The following FBXW11 variants were observed in gnomAD, a reference collection of about 807,000 sequenced individuals.
FBXW11 encodes F-box/WD repeat-containing protein 11.
A neutral mutation model predicts 77.6 loss-of-function variants in FBXW11; 19 were observed. That is an observed-to-expected ratio of 0.24 (90% CI 0.17 to 0.36). FBXW11 has a LOEUF of 0.36. Ranked by LOEUF, FBXW11 falls within the 10% of genes least tolerant of loss-of-function variation. The pLI is 1.00. For synonymous variants in FBXW11, 235 were observed against 249.4 expected (o/e 0.94, Z 0.54); for missense variants, 334 against 704.2 (o/e 0.47, Z 5.95).
At chr5:171,976,156 A>T (rs1472970601) in intron 1 of FBXW11, among the ~76,000 whole-genome samples, 1 of 152,166 alleles carries the variant, frequency 6.6e-6, no homozygotes, top group East Asian at 1.9e-4. Context: ...CAGTGAGATA[A>T]AACTATCTGG....
chr5:171,949,560 T>C (rs1050283438), intron 2 of FBXW11, among the ~76,000 whole-genome samples: 1 of 152,066 alleles, frequency 6.6e-6, no homozygotes, highest in Non-Finnish European at 1.5e-5. Context: ...GAAAGGCAAA[T>C]GTCAAACTGG....
intron 1 of FBXW11, among the ~76,000 whole-genome samples, chr5:171,982,774 G>A (rs1194124743): frequency 2.0e-5 from 3 of 152,116 alleles, no homozygotes; most frequent in Non-Finnish European, 4.4e-5. Flanking sequence ...TAGGCCTCAG[G>A]AAACGGAATC....
intron 4 of FBXW11, among the ~76,000 whole-genome samples, chr5:171,907,037 C>A (rs1274293560): frequency 6.6e-6 from 1 of 152,236 alleles, no homozygotes; most frequent in Non-Finnish European, 1.5e-5. Flanking sequence ...GAAGTACAAT[C>A]TGTCCCTACT....
At chr5:171,897,598 T>G (rs1759830100) in intron 6 of FBXW11, among the ~76,000 whole-genome samples, 1 of 152,216 alleles carries the variant, frequency 6.6e-6, no homozygotes, top group Admixed American at 6.5e-5. Context: ...GAGGATTCAA[T>G]CAAACTATCT....
intron 1 of FBXW11, among the ~76,000 whole-genome samples, chr5:171,960,319 G>T (rs1763840464): frequency 6.6e-6 from 1 of 152,214 alleles, no homozygotes; most frequent in South Asian, 2.1e-4. Flanking sequence ...AGGTTGCAGT[G>T]AGCCAAGATC....
chr5:171,896,116 T>G (rs147100911), intron 6 of FBXW11, among the ~76,000 whole-genome samples: 2 of 152,210 alleles, frequency 1.3e-5, no homozygotes, highest in Non-Finnish European at 2.9e-5. Context: ...TGGGTCAATG[T>G]AGAAGCGCAG....
At position 171,886,390 on chromosome 5, in the gene FBXW11, G is replaced by C. The variant is rs367576037; in HGVS notation, c.852+5077C>G. 4.8e-3 allele frequency among the ~76,000 whole-genome samples: 712 copies of C among 148,274 alleles called. 8 individuals carry two copies. The highest frequency in any genetic ancestry group is 0.017 in the African/African-American group (672 of 40,172). On this transcript the variant is annotated intron_variant, in intron 7 of 13. Coordinates refer to ENST00000517395, the MANE Select transcript of FBXW11 (RefSeq NM_001378974.1). ...TGAACAATGAGAACACCTGGACACA[G>C]GAAGGGGAACATCACACACTGGGGC...
intron 1 of FBXW11, among the ~76,000 whole-genome samples, chr5:171,993,964 A>G (rs775769620): frequency 6.6e-6 from 1 of 152,222 alleles, no homozygotes; most frequent in Non-Finnish European, 1.5e-5. Context: ...TCTATGGGAC[A>G]GCACTGTACT....
chr5:171,900,509 A>T (rs554857233), intron 4 of FBXW11, among the ~76,000 whole-genome samples: 80 of 152,222 alleles, frequency 5.3e-4, no homozygotes, highest in Non-Finnish European at 8.4e-4. Context: ...TGGAACTCGG[A>T]TTTCTTGCTT....
chr5:171,924,158 G>A (rs900142746), intron 2 of FBXW11, among the ~76,000 whole-genome samples: 2 of 151,582 alleles, frequency 1.3e-5, no homozygotes, highest in Non-Finnish European at 2.9e-5. Flanking sequence ...TCCTGACCTC[G>A]TGATCCACCC....
At chr5:171,995,019 G>A (rs1212605801) in intron 1 of FBXW11, among the ~76,000 whole-genome samples, 1 of 152,166 alleles carries the variant, frequency 6.6e-6, no homozygotes, top group Non-Finnish European at 1.5e-5. Flanking sequence ...ATTAGCAAAT[G>A]TGAAAGTATT....
Position 171,876,219 on chromosome 5 carries a change from C to T in FBXW11, c.1221+66G>A, listed in dbSNP as rs755115797. 4.1e-5 allele frequency: 65 copies of T among 1,590,850 alleles called. No individual in the cohort carries two copies. Among genetic ancestry groups the T allele is most frequent in the Non-Finnish European group, 5.3e-5 (62 of 1,166,044 alleles). Reference sequence around the variant, plus strand: ...CCAGGTACCAGGTTGGTATAAGCCACCTCTGCTTTGTCTCTGTTCTAAAAG... The same window carrying T: ...CCAGGTACCAGGTTGGTATAAGCCATCTCTGCTTTGTCTCTGTTCTAAAAG... On this transcript the variant is annotated intron_variant, in intron 9 of 13. Coordinates refer to ENST00000517395, the MANE Select transcript of FBXW11 (RefSeq NM_001378974.1). The surrounding 1 kb of genome is among the most constrained non-coding windows in gnomAD (Gnocchi z 4.2).
chr5:171,985,659 T>C (rs991676912), intron 1 of FBXW11, among the ~76,000 whole-genome samples: 2 of 152,120 alleles, frequency 1.3e-5, no homozygotes, highest in African/African-American at 4.8e-5. Context: ...TCCCAGCTAC[T>C]TGGAGGCTGA....
At chr5:171,963,513 A>C (rs976343555) in intron 1 of FBXW11, among the ~76,000 whole-genome samples, 1 of 152,202 alleles carries the variant, frequency 6.6e-6, no homozygotes, top group African/African-American at 2.4e-5. Context: ...ACAGGTCTTA[A>C]ACTCTGTGCT....
chr5:171,972,426 C>T (rs983409487), intron 1 of FBXW11, among the ~76,000 whole-genome samples: 2 of 134,938 alleles, frequency 1.5e-5, no homozygotes, highest in African/African-American at 2.7e-5. Flanking sequence ...GCTTGAGCCC[C>T]GGAGGTCAAG....
At chr5:171,977,593 A>G (rs1329369152) in intron 1 of FBXW11, 2 of 451,802 alleles carry the variant, frequency 4.4e-6, no homozygotes, top group Admixed American at 4.7e-5. Context: ...GACATACCTG[A>G]GACTGGGCAA....
chr5:171,967,166 A>G (rs997021243), intron 1 of FBXW11, among the ~76,000 whole-genome samples: 19 of 152,236 alleles, frequency 1.2e-4, no homozygotes, highest in African/African-American at 4.6e-4. Flanking sequence ...GCAACTCTGC[A>G]ATACATAGTC....
chr5:171,918,850 A>T (rs1481374286), intron 2 of FBXW11, among the ~76,000 whole-genome samples: 4 of 152,180 alleles, frequency 2.6e-5, no homozygotes, highest in African/African-American at 9.7e-5. Flanking sequence ...AGAATCAAAA[A>T]TGTCTCCAGA....
intron 2 of FBXW11, among the ~76,000 whole-genome samples, chr5:171,921,374 T>C (rs1374926591): frequency 6.6e-6 from 1 of 152,192 alleles, no homozygotes. Flanking sequence ...AATTCTGCAT[T>C]AAGTAATTAA....
Sources: gnomAD v4.1 joint callset for allele counts (sites outside exome capture counted in the v4.1 genomes callset) on GRCh38, gnomAD v4.1.1 for gene constraint, Gnocchi (gnomAD v3.1) non-coding constraint, MANE v1.5 for transcripts, NCBI Gene and HGNC (gene_info 2026-07-23, HGNC 2026-07-21) for gene names.